Variants in ZNF83 observed in about 807,000 individuals in gnomAD.
ZNF83 encodes the protein zinc finger protein 83, also known as zinc finger protein 816B.
For synonymous variants in ZNF83, 209 were observed against 213.0 expected, an observed-to-expected ratio of 0.98 and a Z score of 0.17; for missense variants, 552 against 629.9, an observed-to-expected ratio of 0.88 and a Z score of 1.32.
intron 3 of ZNF83, chr19:52,652,861 T>C (rs1187555108): frequency 8.0e-6 from 8 of 994,190 alleles, no homozygotes; most frequent in Non-Finnish European, 1.3e-5. Flanking sequence ...GGATGACATA[T>C]GACTGAAGGT....
At chr19:52,675,639 G>A (rs1486389505) in intron 1 of ZNF83, among the ~76,000 whole-genome samples, 1 of 152,114 alleles carries the variant, frequency 6.6e-6, no homozygotes, top group Non-Finnish European at 1.5e-5. Flanking sequence ...TTACAAAATC[G>A]ATAGGCTGAA....
At chr19:52,633,032 T>C (rs1028101302) in intron 2 of ZNF83, among the ~76,000 whole-genome samples, 7 of 152,188 alleles carry the variant, frequency 4.6e-5, no homozygotes, top group Non-Finnish European at 8.8e-5. Flanking sequence ...CTTATTAATA[T>C]AAGAAGACAG....
At chr19:52,655,671 C>G (rs3745105) in exon 3 of ZNF83, 1 of 1,228,416 alleles carries the variant, frequency 8.1e-7, no homozygotes, top group South Asian at 1.2e-5. Flanking sequence ...AGCCACATCC[C>G]TGAAAGTCAA....
At chr19:52,652,389 C>A (rs922939484) in intron 3 of ZNF83, 7 of 330,862 alleles carry the variant, frequency 2.1e-5, no homozygotes, top group Middle Eastern at 8.5e-4. Flanking sequence ...GAGCCGAGAT[C>A]ACGCCACTGC....
At chr19:52,633,189 A>G (rs1333421590) in intron 2 of ZNF83, among the ~76,000 whole-genome samples, 2 of 151,834 alleles carry the variant, frequency 1.3e-5, no homozygotes, top group African/African-American at 4.8e-5. Context: ...AAGCTCCCCT[A>G]CTGGGCACCT....
At chr19:52,643,117 G>A (rs749491426), upstream of ZNF83, among the ~76,000 whole-genome samples, 1 of 152,124 alleles carries the variant, frequency 6.6e-6, no homozygotes, top group Non-Finnish European at 1.5e-5. Context: ...GGTGGAGGTT[G>A]TAGTGAGCCG....
intron 1 of ZNF83, among the ~76,000 whole-genome samples, chr19:52,679,289 C>A (rs1263596978): frequency 6.6e-6 from 1 of 152,126 alleles, no homozygotes; most frequent in Non-Finnish European, 1.5e-5. Context: ...CACAGTGCCA[C>A]TGAGAGAAGC....
At chr19:52,613,865 C>CGTAAG (rs2060205858) in exon 3 of ZNF83, 1 of 1,611,892 alleles carries the variant, frequency 6.2e-7, no homozygotes. Context: ...TTGTTACATT[C>CGTAAG]GTAAGGTTTT....
Position 52,637,662 on chromosome 19 carries a change from C to T in ZNF83, c.-322+650G>A, listed in dbSNP as rs527379298. Among the ~76,000 whole-genome samples, 148 of 152,182 alleles carry T rather than the reference C, an allele frequency of 9.7e-4. 3 individuals are homozygous for T. The highest frequency in any genetic ancestry group is 2.2e-3 in the Admixed American group (34 of 15,282). On this transcript the variant is annotated intron_variant, in intron 1 of 2. Coordinates refer to ENST00000301096, the Ensembl canonical transcript of ZNF83. ...TGCTCTGTCTCCCAATGCCTTTGGC[C>T]GACACAATCACAGGAGGGTTTGGAT...
At chr19:52,655,168 G>A (rs548934169) in intron 3 of ZNF83, 283 of 192,098 alleles carry the variant, frequency 1.5e-3, no homozygotes, top group Non-Finnish European at 2.1e-3. Flanking sequence ...GCCTGAGCAA[G>A]AGAGGGAGAC....
At chr19:52,632,501 T>A (rs934124158) in intron 2 of ZNF83, among the ~76,000 whole-genome samples, 2 of 152,188 alleles carry the variant, frequency 1.3e-5, no homozygotes, top group Non-Finnish European at 2.9e-5. Context: ...TTCTGTCTAG[T>A]CATGCTCCTA....
intron 3 of ZNF83, among the ~76,000 whole-genome samples, chr19:52,643,453 G>A (rs900695556): frequency 4.8e-5 from 6 of 126,032 alleles, no homozygotes; most frequent in Non-Finnish European, 8.2e-5. Context: ...TGTAATCCTA[G>A]CACGTTGGGA....
intron 3 of ZNF83, chr19:52,650,536 T>A (rs1188085957): frequency 6.6e-6 from 1 of 152,152 alleles, no homozygotes; most frequent in Non-Finnish European, 1.5e-5. Flanking sequence ...GGACTACAGG[T>A]GTGAGCCATG....
At chr19:52,612,897 A>T in exon 3 of ZNF83, 2 of 839,524 alleles carry the variant, frequency 2.4e-6, no homozygotes, top group Non-Finnish European at 3.6e-6. Context: ...AACGGTTATT[A>T]AGCCTTGAAC....
chr19:52,620,127 G>A (rs1247168595), intron 2 of ZNF83, among the ~76,000 whole-genome samples: 4 of 152,008 alleles, frequency 2.6e-5, no homozygotes, highest in African/African-American at 4.8e-5. Flanking sequence ...TAAAATTTAC[G>A]CAGACTCACA....
chr19:52,685,897 C>CAAAAAAAA (rs3055370), intron 1 of ZNF83, among the ~76,000 whole-genome samples: 2 of 132,550 alleles, frequency 1.5e-5, no homozygotes, highest in East Asian at 2.4e-4. Flanking sequence ...GTAACTGTCA[C>CAAAAAAAA]AAAAAAAAAA....
chr19:52,686,764 C>T (rs888454740), intron 1 of ZNF83, among the ~76,000 whole-genome samples: 3 of 151,928 alleles, frequency 2.0e-5, no homozygotes, highest in African/African-American at 7.2e-5. Flanking sequence ...ATAGAGACGG[C>T]GTTTCACCAT....
At chr19:52,638,411 G>A (rs1402566500), upstream of ZNF83, 2 of 152,032 alleles carry the variant, frequency 1.3e-5, no homozygotes, top group African/African-American at 2.4e-5. Context: ...CCGCGAGGTG[G>A]GCGGGGCCTG....
At chr19:52,625,346 C>G (rs1221364484) in intron 2 of ZNF83, among the ~76,000 whole-genome samples, 2 of 152,132 alleles carry the variant, frequency 1.3e-5, no homozygotes, top group African/African-American at 4.8e-5. Context: ...ATGCAAGTGT[C>G]CTCCATCATT....
Sources: gnomAD v4.1 joint callset for allele counts (sites outside exome capture counted in the v4.1 genomes callset) on GRCh38, gnomAD v4.1.1 for gene constraint, MANE v1.5 for transcripts, NCBI Gene and HGNC (gene_info 2026-07-23, HGNC 2026-07-21) for gene names.